Variants in TASP1 observed in about 807,000 individuals in gnomAD.
The protein encoded by TASP1 is threonine aspartase 1.
Under a neutral mutation model 56.6 loss-of-function variants are expected in TASP1, and 16 were observed. That is an observed-to-expected ratio of 0.28 (90% CI 0.19 to 0.43). TASP1 has a LOEUF of 0.43. Among genes scored for constraint, TASP1 ranks in the 20% least tolerant of loss-of-function variants. The pLI is 1.00. For synonymous variants in TASP1, 179 were observed against 184.2 expected, an observed-to-expected ratio of 0.97 and a Z score of 0.23; for missense variants, 393 against 511.6, an observed-to-expected ratio of 0.77 and a Z score of 2.24.
intron 7 of TASP1, among the ~76,000 whole-genome samples, chr20:13,564,787 A>C (rs939314808): frequency 1.3e-5 from 2 of 151,830 alleles, no homozygotes; most frequent in African/African-American, 2.4e-5. Context: ...AATCATTTGA[A>C]GTCAGGAGTT....
chr20:13,487,929 A>G (rs1415299578), intron 10 of TASP1, among the ~76,000 whole-genome samples: 1 of 152,174 alleles, frequency 6.6e-6, no homozygotes, highest in Non-Finnish European at 1.5e-5. Context: ...CTTATGAGCT[A>G]TACAAAAACA....
chr20:13,541,410 C>T (rs1394499145), intron 8 of TASP1, among the ~76,000 whole-genome samples: 2 of 152,226 alleles, frequency 1.3e-5, no homozygotes, highest in East Asian at 1.9e-4. Flanking sequence ...CCAATGAGTT[C>T]ACTGCCAGGA....
chr20:13,325,550 C>G, the TASP1 span, among the ~76,000 whole-genome samples: 3 of 152,112 alleles, frequency 2.0e-5, no homozygotes, highest in Admixed American at 2.0e-4. Flanking sequence ...TTTCCTGGAA[C>G]AGTTACCTAG....
At chr20:13,191,741 T>C in the TASP1 span, among the ~76,000 whole-genome samples, 1 of 152,170 alleles carries the variant, frequency 6.6e-6, no homozygotes, top group Non-Finnish European at 1.5e-5. Context: ...AGAAAGAAAT[T>C]TGAATGTTCC....
chr20:13,164,179 T>C, the TASP1 span, among the ~76,000 whole-genome samples: 1 of 152,172 alleles, frequency 6.6e-6, no homozygotes, highest in African/African-American at 2.4e-5. Flanking sequence ...GGGGGATACA[T>C]GTACCCACCT....
chr20:13,524,144 CTT>C (rs542279216), intron 10 of TASP1, among the ~76,000 whole-genome samples: 110 of 151,676 alleles, frequency 7.3e-4, no homozygotes, highest in African/African-American at 2.6e-3. Flanking sequence ...CAGAGTGAGA[CTT>C]TGTCTTTTTT....
At chr20:13,484,489 C>T (rs1048268690) in intron 10 of TASP1, among the ~76,000 whole-genome samples, 4 of 152,224 alleles carry the variant, frequency 2.6e-5, no homozygotes, top group East Asian at 1.9e-4. Context: ...AATCCCAACA[C>T]TTTGGGAGGC....
At chr20:13,313,681 T>C in the TASP1 span, among the ~76,000 whole-genome samples, 1 of 152,216 alleles carries the variant, frequency 6.6e-6, no homozygotes, top group Non-Finnish European at 1.5e-5. Context: ...TAAAGTCCTA[T>C]TTTAAACAGC....
chr20:13,172,138 A>T, the TASP1 span, among the ~76,000 whole-genome samples: 1 of 152,156 alleles, frequency 6.6e-6, no homozygotes, highest in Non-Finnish European at 1.5e-5. Flanking sequence ...AACTTGAGAA[A>T]GCATTATAAT....
At chr20:13,448,195 T>C (rs550523769) in intron 11 of TASP1, among the ~76,000 whole-genome samples, 17 of 152,200 alleles carry the variant, frequency 1.1e-4, no homozygotes, top group South Asian at 6.2e-4. Context: ...TATTCCTAAA[T>C]GGTCAGCCAA....
chr20:13,440,722 G>A (rs750174119), intron 11 of TASP1, among the ~76,000 whole-genome samples: 3 of 151,342 alleles, frequency 2.0e-5, no homozygotes, highest in Non-Finnish European at 4.4e-5. Context: ...ACTGAGAGAA[G>A]TTTAATTTTC....
rs1392755909 is a variant in TASP1 at position 13,585,961 on chromosome 20, C to T, written c.403+1289G>A. ...ACCAGCCTGGCCAACATGGTGAAAC[C>T]CTGTTTCTACTAAAAATGCAAAAAT... On this transcript the variant is annotated intron_variant, in intron 5 of 13. Coordinates refer to ENST00000337743, the MANE Select transcript of TASP1 (RefSeq NM_017714.3). 2.6e-5 allele frequency among the ~76,000 whole-genome samples: 4 copies of T among 152,006 alleles called. No individual in the cohort carries two copies. In the East Asian group the frequency reaches 5.8e-4, roughly 22 times the overall value.
chr20:13,612,037 T>C (rs966366633), intron 4 of TASP1, among the ~76,000 whole-genome samples: 12 of 152,208 alleles, frequency 7.9e-5, no homozygotes, highest in Non-Finnish European at 1.3e-4. Flanking sequence ...CAGTTTTCCA[T>C]ACAATACAGG....
At chr20:13,131,363 TGGC>T in the TASP1 span, among the ~76,000 whole-genome samples, 2 of 152,186 alleles carry the variant, frequency 1.3e-5, no homozygotes, top group Non-Finnish European at 2.9e-5. Context: ...GCTCCATGAA[TGGC>T]AAGTCACTTT....
chr20:13,292,250 G>T, the TASP1 span: 4 of 636,826 alleles, frequency 6.3e-6, no homozygotes, highest in South Asian at 7.9e-5. Flanking sequence ...GCAAGTTTCT[G>T]CCCGTGAGTA....
At chr20:13,171,792 G>A in the TASP1 span, among the ~76,000 whole-genome samples, 3 of 151,806 alleles carry the variant, frequency 2.0e-5, no homozygotes, top group Non-Finnish European at 4.4e-5. Flanking sequence ...GGTAGCCAAG[G>A]AGAAAAAAAT....
chr20:13,373,345 C>T, the TASP1 span, among the ~76,000 whole-genome samples: 1 of 151,786 alleles, frequency 6.6e-6, no homozygotes, highest in East Asian at 1.9e-4. Flanking sequence ...TATCAGTGCT[C>T]TTTGTTTTTT....
At chr20:13,292,916 G>A in the TASP1 span, among the ~76,000 whole-genome samples, 1 of 152,110 alleles carries the variant, frequency 6.6e-6, no homozygotes, top group African/African-American at 2.4e-5. Context: ...TATACACCGG[G>A]CCAGGCGCGG....
intron 8 of TASP1, among the ~76,000 whole-genome samples, chr20:13,548,134 T>C (rs1228190066): frequency 6.6e-6 from 1 of 152,160 alleles, no homozygotes; most frequent in African/African-American, 2.4e-5. Flanking sequence ...TCTGCTCCCA[T>C]AGGGTCCTGG....
Sources: allele counts gnomAD v4.1 joint callset (sites outside exome capture counted in the v4.1 genomes callset), GRCh38; gene constraint gnomAD v4.1.1; transcripts MANE v1.5; gene names NCBI Gene and HGNC (gene_info 2026-07-23, HGNC 2026-07-21).